The following P2RX5 variants were observed in gnomAD, a reference collection of about 807,000 sequenced individuals.
P2RX5 encodes P2X purinoceptor 5.
P2RX5 carries 46 observed loss-of-function variants against 54.1 expected under a neutral mutation model. That is an observed-to-expected ratio of 0.85 (90% CI 0.67 to 1.09). P2RX5 has a LOEUF of 1.09. Among genes scored for constraint, P2RX5 ranks in the 50% least tolerant of loss-of-function variants. The probability of loss-of-function intolerance (pLI) is 0.00; values close to 1 mark genes in which losing one functional copy is unlikely to be tolerated. For missense variants in P2RX5, 566 were observed against 549.8 expected, an observed-to-expected ratio of 1.03 and a Z score of -0.29; for synonymous variants, 226 against 226.4, an observed-to-expected ratio of 1.00 and a Z score of 0.02.
At chr17:3,718,761 G>C in the P2RX5 span, among the ~76,000 whole-genome samples, 19 of 152,316 alleles carry the variant, frequency 1.2e-4, no homozygotes, top group Admixed American at 1.0e-3. Context: ...TCCCTGCTGG[G>C]GGCATGGGAA....
At chr17:3,690,746 G>T in intron 3 of P2RX5, 66 bp from the exon 4 acceptor site, 1 of 1,516,166 alleles carries the variant, frequency 6.6e-7, no homozygotes, top group Non-Finnish European at 9.1e-7. Context: ...TCCCACTCCA[G>T]GAGATAGAAT....
intron 11 of P2RX5, among the ~76,000 whole-genome samples, chr17:3,675,001 T>A (rs1458446011): frequency 6.6e-6 from 1 of 152,228 alleles, no homozygotes; most frequent in Non-Finnish European, 1.5e-5. Context: ...AGGGACTCCA[T>A]AAATATTTCC....
At position 3,679,530 on chromosome 17, in the gene P2RX5, A is replaced by C; in HGVS notation, c.1259+60T>G. 4 of 1,531,984 alleles carry C rather than the reference A, an allele frequency of 2.6e-6. No individual in the cohort carries two copies. In the South Asian group the frequency reaches 3.4e-5, roughly 13 times the overall value. 94.9% of individuals were successfully genotyped at this position (1,531,984 alleles called of 1,614,324 possible). On this transcript the variant is annotated intron_variant, in intron 11 of 11. Transcript: ENST00000225328. The stretch of plus-strand genomic sequence containing the variant: ...GAGCTGCCAGGCATGAGAAGCCCCA[A>C]CTGGGGACCCCTCTCTGCAGGACCC...
At chr17:3,684,473 G>A (rs183818979) in intron 9 of P2RX5, among the ~76,000 whole-genome samples, 1 of 152,280 alleles carries the variant, frequency 6.6e-6, no homozygotes, top group Admixed American at 6.5e-5. Flanking sequence ...AGGTGGTGGT[G>A]CACCTGCAGC....
chr17:3,695,765 A>T, intron 1 of P2RX5, 104 bp downstream of exon 1: 1 of 1,442,166 alleles, frequency 6.9e-7, no homozygotes. Flanking sequence ...CTACCGGGAA[A>T]ACCGCGTGCA....
chr17:3,693,046 AC>A (rs1438449491), intron 1 of P2RX5, among the ~76,000 whole-genome samples: 2 of 152,052 alleles, frequency 1.3e-5, no homozygotes, highest in African/African-American at 4.8e-5. Context: ...TCCAGAAGAT[AC>A]AAAAAACTCT....
chr17:3,696,736 G>T (rs1345656458), upstream of P2RX5, among the ~76,000 whole-genome samples: 5 of 152,184 alleles, frequency 3.3e-5, no homozygotes, highest in Non-Finnish European at 2.9e-5. Flanking sequence ...CACCGCGCAC[G>T]GCCGGGAAGA....
In P2RX5 at chr17:3,696,062, A is replaced by T. The variant is rs2050752878; in HGVS notation, c.-57T>A. On this transcript the variant is annotated 5_prime_UTR_variant, in exon 1 of 12. Coordinates refer to ENST00000225328, the MANE Select transcript of P2RX5 (RefSeq NM_002561.4). Reference sequence around the variant, plus strand: ...CGGCCCACGTGCGCTCATGGGGAGCACTCGGTCCCTCGGTCCCTGCGCGCC... The same window carrying T: ...CGGCCCACGTGCGCTCATGGGGAGCTCTCGGTCCCTCGGTCCCTGCGCGCC... The T allele has an allele frequency of 3.1e-6, 5 of 1,597,188 alleles. No individual in the cohort carries two copies. The highest frequency in any genetic ancestry group is 4.3e-6 in the Non-Finnish European group (5 of 1,170,194).
chr17:3,720,960 G>A, the P2RX5 span, among the ~76,000 whole-genome samples: 11 of 152,170 alleles, frequency 7.2e-5, no homozygotes, highest in South Asian at 1.7e-3. Flanking sequence ...ACAGGATCTC[G>A]CTCTGTCACC....
At chr17:3,720,928 G>C in the P2RX5 span, among the ~76,000 whole-genome samples, 1 of 151,716 alleles carries the variant, frequency 6.6e-6, no homozygotes, top group African/African-American at 2.4e-5. Context: ...GTCAGTTCTT[G>C]ACTGACTGAC....
chr17:3,696,002 C>T lies in P2RX5; in HGVS notation c.4G>A (p.Gly2Arg). The change falls in exon 1 of 12, where the codon GGG becomes AGG. Residue 2 changes from glycine to arginine, a missense_variant. Coordinates refer to ENST00000225328, the MANE Select transcript of P2RX5 (RefSeq NM_002561.4). ...CAGAGCCCCTTGCAGCCCGCCTGCCCCATGGCGCGCTCTCAGCCGGGCTTG... is the reference window on the plus strand; with the variant it reads ...CAGAGCCCCTTGCAGCCCGCCTGCCTCATGGCGCGCTCTCAGCCGGGCTTG... Reference protein sequence around the residue: MGQAGCKGLCLS... With the variant: MRQAGCKGLCLS... 6.2e-7 allele frequency: 1 copy of T among 1,613,700 alleles called. No homozygotes were observed. The highest frequency in any genetic ancestry group is 8.5e-7 in the Non-Finnish European group (1 of 1,179,804).
intron 9 of P2RX5, chr17:3,685,644 C>A: frequency 2.1e-5 from 1 of 46,982 alleles, no homozygotes; most frequent in Non-Finnish European, 1.3e-4. Context: ...CAGGGACCCT[C>A]CCAGCGTCCC....
At chr17:3,692,971 G>A (rs1037154833) in intron 1 of P2RX5, among the ~76,000 whole-genome samples, 1 of 152,056 alleles carries the variant, frequency 6.6e-6, no homozygotes, top group Non-Finnish European at 1.5e-5. Context: ...TCTCAAGAAA[G>A]TGAAAAGACA....
At chr17:3,702,071 T>G in the P2RX5 span, among the ~76,000 whole-genome samples, 4 of 152,162 alleles carry the variant, frequency 2.6e-5, no homozygotes, top group African/African-American at 9.7e-5. Flanking sequence ...CCAGCTGGAC[T>G]TCCTGGGTCG....
rs772769453 is a variant in P2RX5 at position 3,679,684 on chromosome 17, G to C, written c.1165C>G (p.Gln389Glu). The change falls in exon 11 of 12, where the codon CAG (glutamine) becomes GAG (glutamate). Residue 389 changes from glutamine (Q) to glutamate (E), a missense_variant. Gln to Glu is a conservative substitution (Grantham distance 29). Coordinates refer to ENST00000225328, the MANE Select transcript of P2RX5 (RefSeq NM_002561.4). ...SGPGLLGMPE[Q>E]QELQEPPEAK... ...TCGGGTGGCTCCTGCAGCTCCTGCT[G>C]CTCCGGCATCCCCAGCAGCCCTGGC... The C allele has an allele frequency of 6.2e-7, 1 of 1,611,852 alleles. No individual in the cohort carries two copies. Among genetic ancestry groups the C allele is most frequent in the East Asian group, 2.2e-5 (1 of 44,890 alleles).
intron 9 of P2RX5, among the ~76,000 whole-genome samples, chr17:3,683,549 G>A (rs1453042802): frequency 6.6e-6 from 1 of 152,164 alleles, no homozygotes; most frequent in African/African-American, 2.4e-5. Context: ...TGGCCAACAT[G>A]GTGAAACCCT....
At chr17:3,689,140 G>A (rs1261505386) in intron 7 of P2RX5, among the ~76,000 whole-genome samples, 3 of 152,254 alleles carry the variant, frequency 2.0e-5, no homozygotes, top group Non-Finnish European at 4.4e-5. Context: ...TGGTCTGAGC[G>A]CTGCCACAGC....
At chr17:3,715,069 C>T in the P2RX5 span, 21 of 621,228 alleles carry the variant, frequency 3.4e-5, no homozygotes, top group East Asian at 2.8e-4. Context: ...CTACTCCCTT[C>T]TCCTAACTTA....
chr17:3,705,336 T>G, the P2RX5 span, among the ~76,000 whole-genome samples: 1 of 152,146 alleles, frequency 6.6e-6, no homozygotes, highest in Non-Finnish European at 1.5e-5. Flanking sequence ...CCTACCTGCC[T>G]TCCCAGCTAC....
Sources: allele counts gnomAD v4.1 joint callset (sites outside exome capture counted in the v4.1 genomes callset), GRCh38; gene constraint gnomAD v4.1.1; transcripts MANE v1.5; gene names NCBI Gene and HGNC (gene_info 2026-07-23, HGNC 2026-07-21).